Variants in ADGRG2 observed in about 807,000 individuals in gnomAD.
ADGRG2 encodes G protein-coupled receptor 64.
ADGRG2 carries 26 observed loss-of-function variants against 74.1 expected under a neutral mutation model. The observed-to-expected ratio is 0.35, with a 90% CI of 0.26 to 0.49. The LOEUF is 0.49. Ranked by LOEUF, ADGRG2 falls within the 20% of genes least tolerant of loss-of-function variation. The probability of loss-of-function intolerance (pLI) is 0.99; values close to 1 mark genes in which losing one functional copy is unlikely to be tolerated. For synonymous variants in ADGRG2, 296 were observed against 295.2 expected (o/e 1.00, Z -0.03); for missense variants, 619 against 763.1 (o/e 0.81, Z 2.22).
At chrX:19,120,212 C>T (rs1252621559) in intron 1 of ADGRG2, among the ~76,000 whole-genome samples, 2 of 111,682 alleles carry the variant, frequency 1.8e-5, no homozygotes, top group African/African-American at 6.5e-5. Context: ...AATTTGGCCA[C>T]TTTTTGTTTT....
intron 18 of ADGRG2, 46 bp from the exon 19 acceptor site, chrX:19,008,169 A>G: frequency 1.0e-6 from 1 of 977,264 alleles, no homozygotes; most frequent in Non-Finnish European, 1.4e-6. Flanking sequence ...GAGCTAGTAT[A>G]ATGAGATGGA....
At chrX:19,070,189 A>T (rs1715061331) in intron 2 of ADGRG2, among the ~76,000 whole-genome samples, 1 of 112,810 alleles carries the variant, frequency 8.9e-6, no homozygotes, top group African/African-American at 3.2e-5. Flanking sequence ...CAAGGGAACT[A>T]TCCAGTTTCA....
At chrX:19,111,183 A>G (rs909020256) in intron 1 of ADGRG2, among the ~76,000 whole-genome samples, 4 of 111,601 alleles carry the variant, frequency 3.6e-5, no homozygotes, top group Non-Finnish European at 7.5e-5. Context: ...GGAGAGAATC[A>G]GGTTTTGCAT....
intron 1 of ADGRG2, among the ~76,000 whole-genome samples, chrX:19,084,341 G>A (rs2061904059): frequency 9.0e-6 from 1 of 110,605 alleles, no homozygotes; most frequent in African/African-American, 3.3e-5. Context: ...TAGAGAATCA[G>A]GAAGAATAGC....
At chrX:19,009,813 A>C (rs1438062693) in intron 17 of ADGRG2, 31 bp from the exon 18 acceptor site, 1 of 1,086,551 alleles carries the variant, frequency 9.2e-7, no homozygotes, top group Non-Finnish European at 1.2e-6. Context: ...TTTATTATTT[A>C]TTTATTTATT....
intron 13 of ADGRG2, among the ~76,000 whole-genome samples, chrX:19,022,127 G>T: frequency 9.1e-6 from 1 of 110,456 alleles, no homozygotes; most frequent in Middle Eastern, 4.6e-3. Flanking sequence ...AGCTGGGTGT[G>T]GTGGTGGGTG....
intron 28 of ADGRG2, 89 bp downstream of exon 28, chrX:18,994,807 A>C: frequency 4.4e-6 from 3 of 685,844 alleles, no homozygotes; most frequent in Non-Finnish European, 6.5e-6. Flanking sequence ...ATAGTTACTC[A>C]CTTTGCTTAG....
At chrX:19,059,104 G>A (rs1236324707) in intron 3 of ADGRG2, among the ~76,000 whole-genome samples, 3 of 111,549 alleles carry the variant, frequency 2.7e-5, no homozygotes, top group Non-Finnish European at 3.8e-5. Flanking sequence ...GATGGCTTGA[G>A]CCCAGGAGTT....
At position 19,115,185 on chromosome X, in the gene ADGRG2, C is replaced by A. The variant is rs150363101; in HGVS notation, c.-47+7257G>T. Among the ~76,000 whole-genome samples, 541 of 111,311 alleles carry A rather than the reference C, an allele frequency of 4.9e-3. 4 individuals carry two copies. Among genetic ancestry groups the A allele is most frequent in the African/African-American group, 0.017 (508 of 30,586 alleles). On this transcript the variant is annotated intron_variant, in intron 1 of 28. Coordinates refer to ENST00000379869, the MANE Select transcript of ADGRG2 (RefSeq NM_001079858.3). ...GAACAGAAAGGCAGGGCACATTATA[C>A]TTCTCTTAGGACAAGTGTCAGATTT...
At chrX:19,039,236 T>C (rs1010155142) in intron 4 of ADGRG2, 1 of 331,244 alleles carries the variant, frequency 3.0e-6, no homozygotes, top group Non-Finnish European at 5.9e-6. Context: ...AGAGAATGTG[T>C]GAACACGAGC....
Position 19,029,552 on chromosome X carries a change from G to A in ADGRG2, c.359-1314C>T, listed in dbSNP as rs145290487. Among the ~76,000 whole-genome samples the A allele has an allele frequency of 2.7e-3, 300 of 109,961 alleles. 2 individuals are homozygous for A. Among genetic ancestry groups the A allele is most frequent in the African/African-American group, 9.7e-3 (286 of 29,411 alleles). On this transcript the variant is annotated intron_variant, in intron 9 of 28. Transcript: ENST00000379869. ...GTGAAGGTTTCTAGTTTCTGGCAGG[G>A]TACCATGGGGTTTCTGGTGCCAAAA...
intron 2 of ADGRG2, among the ~76,000 whole-genome samples, chrX:19,079,877 G>A (rs2061814015): frequency 9.1e-6 from 1 of 110,160 alleles, no homozygotes; most frequent in Admixed American, 9.7e-5. Context: ...ACCAAACCTG[G>A]TGAGGGGTGT....
intron 1 of ADGRG2, among the ~76,000 whole-genome samples, chrX:19,085,575 C>T (rs113279904): frequency 0.011 from 1,249 of 110,932 alleles, 9 homozygotes; most frequent in African/African-American, 0.038. Context: ...GCAATCCTCC[C>T]GCCTTGACCA....
intron 3 of ADGRG2, among the ~76,000 whole-genome samples, chrX:19,062,208 C>T (rs930932813): frequency 3.6e-5 from 4 of 111,854 alleles, no homozygotes; most frequent in Non-Finnish European, 7.5e-5. Context: ...CACATGAGAG[C>T]TGAGAGAGAC....
Position 18,990,807 on chromosome X carries a change from G to A in ADGRG2, c.*57C>T, listed in dbSNP as rs1421564914. The A allele has an allele frequency of 2.3e-5, 20 of 871,139 alleles. No homozygotes were observed. The East Asian group carries it at 6.6e-4, about 29-fold the overall frequency. 71.8% of individuals were successfully genotyped at this position (871,139 alleles called of 1,213,427 possible). Reference sequence around the variant, plus strand: ...TCATACATCTCACATTGTGTAAAAGGTAAAATTGGACATTTCACACTGTCA... The same window carrying A: ...TCATACATCTCACATTGTGTAAAAGATAAAATTGGACATTTCACACTGTCA... On this transcript the variant is annotated 3_prime_UTR_variant, in exon 29 of 29. Transcript: ENST00000379869.
At chrX:19,099,549 C>T (rs2062153719) in intron 1 of ADGRG2, among the ~76,000 whole-genome samples, 1 of 112,208 alleles carries the variant, frequency 8.9e-6, no homozygotes, top group Non-Finnish European at 1.9e-5. Flanking sequence ...GGTTAAATAA[C>T]TTGCCTGATG....
intron 2 of ADGRG2, among the ~76,000 whole-genome samples, chrX:19,071,829 T>A (rs1012822794): frequency 1.9e-5 from 2 of 104,226 alleles, no homozygotes; most frequent in Non-Finnish European, 4.0e-5. Flanking sequence ...AGCACTGCTT[T>A]AAAAAAAAAA....
At chrX:19,073,048 G>A (rs2061678567) in intron 2 of ADGRG2, among the ~76,000 whole-genome samples, 1 of 112,301 alleles carries the variant, frequency 8.9e-6, no homozygotes, top group South Asian at 3.7e-4. Flanking sequence ...GGATCATGGA[G>A]GATCCTTCAT....
At chrX:18,998,926 C>T (rs1298750191) in intron 26 of ADGRG2, 70 bp downstream of exon 26, 2 of 901,114 alleles carry the variant, frequency 2.2e-6, no homozygotes, top group Non-Finnish European at 3.1e-6. Flanking sequence ...CATGCCTGTA[C>T]TCTTTTAGTA....
Sources: allele counts gnomAD v4.1 joint callset (sites outside exome capture counted in the v4.1 genomes callset), GRCh38; gene constraint gnomAD v4.1.1; transcripts MANE v1.5; gene names NCBI Gene and HGNC (gene_info 2026-07-23, HGNC 2026-07-21).